CPLX2: variants seen among roughly 807,000 people sequenced by gnomAD.
The protein encoded by CPLX2 is complexin 2.
CPLX2 carries 5 observed loss-of-function variants against 16.3 expected under a neutral mutation model. That is an observed-to-expected ratio of 0.31 (90% CI 0.16 to 0.64). CPLX2 has a LOEUF of 0.64. Ranked by LOEUF, CPLX2 falls within the 30% of genes least tolerant of loss-of-function variation. CPLX2 has a pLI of 0.79. For synonymous variants in CPLX2, 89 were observed against 73.2 expected (o/e 1.22, Z -1.10); for missense variants, 144 against 181.4 (o/e 0.79, Z 1.18).
intron 2 of CPLX2, among the ~76,000 whole-genome samples, chr5:175,811,813 G>C (rs570799431): frequency 6.6e-6 from 1 of 152,358 alleles, no homozygotes; most frequent in Non-Finnish European, 1.5e-5. Flanking sequence ...GGCTCAGTCA[G>C]GGGGCACCAC....
intron 2 of CPLX2, among the ~76,000 whole-genome samples, chr5:175,813,627 A>G (rs1758352576): frequency 6.6e-6 from 1 of 152,278 alleles, no homozygotes. Context: ...AAGTGTGGCC[A>G]GGGAGCTGGC....
At chr5:175,877,945 T>A (rs893453408) in intron 1 of CPLX2, among the ~76,000 whole-genome samples, 1 of 152,204 alleles carries the variant, frequency 6.6e-6, no homozygotes, top group Non-Finnish European at 1.5e-5. Context: ...TTAAAAGCCC[T>A]AAGCCCCCAG....
At chr5:175,819,881 G>C (rs1245283121) in intron 2 of CPLX2, among the ~76,000 whole-genome samples, 1 of 152,230 alleles carries the variant, frequency 6.6e-6, no homozygotes, top group African/African-American at 2.4e-5. Flanking sequence ...GGTAGCCCAG[G>C]GAGGAATAGA....
chr5:175,819,282 C>T (rs1758466128), intron 2 of CPLX2, among the ~76,000 whole-genome samples: 1 of 152,174 alleles, frequency 6.6e-6, no homozygotes, highest in African/African-American at 2.4e-5. Flanking sequence ...TGCTGCATCA[C>T]ACGAGATGCG....
chr5:175,865,721 C>T (rs1363570842), intron 2 of CPLX2, among the ~76,000 whole-genome samples: 1 of 152,198 alleles, frequency 6.6e-6, no homozygotes, highest in Non-Finnish European at 1.5e-5. Flanking sequence ...TTCTCTGACT[C>T]TATTGACCCA....
intron 2 of CPLX2, chr5:175,837,813 TG>T (rs887526087): frequency 1.6e-4 from 25 of 152,198 alleles, no homozygotes; most frequent in Admixed American, 4.6e-4. Context: ...TGCTCCCTGT[TG>T]GTTGGGTCAG....
chr5:175,866,479 C>T (rs1561788338), intron 2 of CPLX2, among the ~76,000 whole-genome samples: 1 of 151,918 alleles, frequency 6.6e-6, no homozygotes, highest in Non-Finnish European at 1.5e-5. Flanking sequence ...TGCAAGGTTT[C>T]AGGAAAGCAC....
rs145737514 is a variant in CPLX2, at chr5:175,876,061, A to G, written c.-88-2591A>G. Among the ~76,000 whole-genome samples the G allele has an allele frequency of 6.2e-4, 95 of 152,270 alleles. No homozygotes were observed. In the East Asian group the frequency reaches 0.016, roughly 25 times the overall value. ...TGAGGGGTGCCCACAGACATCCAGG[A>G]AAGGGTATCCAGGAGAAGGTAAATG... On this transcript the variant is annotated intron_variant, in intron 1 of 3. Transcript: ENST00000393745.
At chr5:175,837,161 T>A (rs1418404544) in intron 2 of CPLX2, among the ~76,000 whole-genome samples, 1 of 152,160 alleles carries the variant, frequency 6.6e-6, no homozygotes, top group Non-Finnish European at 1.5e-5. Context: ...TGTGACCTGG[T>A]CAAGGTCACA....
chr5:175,870,516 G>T (rs1360520945), upstream of CPLX2, among the ~76,000 whole-genome samples: 3 of 152,188 alleles, frequency 2.0e-5, no homozygotes, highest in Non-Finnish European at 4.4e-5. Context: ...CTTGTGCAAG[G>T]CCCCTCCTCT....
chr5:175,839,280 G>A (rs868862246), intron 2 of CPLX2, among the ~76,000 whole-genome samples: 12 of 151,148 alleles, frequency 7.9e-5, no homozygotes, highest in African/African-American at 2.9e-4. Context: ...TTTTTGTTTT[G>A]TTTGTTTGTT....
intron 2 of CPLX2, among the ~76,000 whole-genome samples, chr5:175,814,826 C>T (rs190019073): frequency 2.8e-4 from 42 of 152,250 alleles, no homozygotes; most frequent in Non-Finnish European, 5.0e-4. Context: ...CAGCCACAGC[C>T]GCTTTTTTCC....
rs1561781783 is a variant in CPLX2 at position 175,845,949 on chromosome 5, T to C, written c.-88-32703T>C. ...ACCCCTCTGGCTTCATCCCCAGCAA[T>C]CTGAAAGATGCAGATGGCCTGTCCC... On this transcript the variant is annotated intron_variant, in intron 2 of 4. Coordinates refer to the CPLX2 transcript ENST00000359546. This position sits in a 1 kb window ranked among gnomAD's most constrained non-coding sequence, Gnocchi z 4.0. 6.6e-6 allele frequency among the ~76,000 whole-genome samples: 1 copy of C among 152,098 alleles called. No individual in the cohort carries two copies.
chr5:175,866,889 A>C (rs147187358), upstream of CPLX2, among the ~76,000 whole-genome samples: 267 of 152,280 alleles, frequency 1.8e-3, 1 homozygote, highest in African/African-American at 5.9e-3. Context: ...CCTGGGCAAC[A>C]TAGTGAGAAC....
chr5:175,854,195 C>CT (rs1011399003), intron 2 of CPLX2, among the ~76,000 whole-genome samples: 75 of 152,220 alleles, frequency 4.9e-4, no homozygotes, highest in African/African-American at 1.7e-3. Flanking sequence ...CTCCTCCTTC[C>CT]TTTGACCAGC....
At chr5:175,812,759 G>T (rs1208018155) in intron 2 of CPLX2, among the ~76,000 whole-genome samples, 1 of 152,180 alleles carries the variant, frequency 6.6e-6, no homozygotes, top group African/African-American at 2.4e-5. Flanking sequence ...ATTATGGGAT[G>T]GGTTTGGGGA....
At chr5:175,868,414 C>T (rs577739338), upstream of CPLX2, among the ~76,000 whole-genome samples, 4 of 152,336 alleles carry the variant, frequency 2.6e-5, no homozygotes, top group South Asian at 8.3e-4. Context: ...AAGGCATATA[C>T]ATAACATCTT....
Position 175,878,671 on chromosome 5 carries a change from C to A in CPLX2, c.-69C>A. The A allele has an allele frequency of 6.3e-7, 1 of 1,576,328 alleles. No homozygotes were observed. Among genetic ancestry groups the A allele is most frequent in the South Asian group, 1.2e-5 (1 of 86,668 alleles). ...CTGCAGGTTGTCACATCTTCCCAAGCCAGGCCAGCCAGGAGCGCTGCATGC... is the reference window on the plus strand; with the variant it reads ...CTGCAGGTTGTCACATCTTCCCAAGACAGGCCAGCCAGGAGCGCTGCATGC... On this transcript the variant is annotated 5_prime_UTR_variant, in exon 2 of 4. Coordinates refer to ENST00000393745, the MANE Select transcript of CPLX2 (RefSeq NM_001008220.2).
In CPLX2 at chr5:175,799,157, G is replaced by C. The variant is rs184875536; in HGVS notation, c.-169+2373G>C. Among the ~76,000 whole-genome samples, 718 of 152,256 alleles carry C rather than the reference G, an allele frequency of 4.7e-3. 5 individuals are homozygous for C. The highest frequency in any genetic ancestry group is 0.026 in the South Asian group (123 of 4,822). On this transcript the variant is annotated intron_variant, in intron 1 of 4. Coordinates refer to the CPLX2 transcript ENST00000359546. Reference sequence around the variant, plus strand: ...TGTCCACTACCTACAGTGGGCTTTAGACCAATTACTAAAGACAAATCAAAC... The same window carrying C: ...TGTCCACTACCTACAGTGGGCTTTACACCAATTACTAAAGACAAATCAAAC...
Sources: gnomAD v4.1 joint callset for allele counts (sites outside exome capture counted in the v4.1 genomes callset) on GRCh38, gnomAD v4.1.1 for gene constraint, Gnocchi (gnomAD v3.1) non-coding constraint, MANE v1.5 for transcripts, NCBI Gene and HGNC (gene_info 2026-07-23, HGNC 2026-07-21) for gene names.